Variants in ZNF407 observed in about 807,000 individuals in gnomAD.
ZNF407 encodes the protein zinc finger protein 407.
ZNF407 carries 17 observed loss-of-function variants against 131.2 expected under a neutral mutation model. That is an observed-to-expected ratio of 0.13 (90% CI 0.09 to 0.19). The LOEUF is 0.19. Ranked by LOEUF, ZNF407 falls within the 10% of genes least tolerant of loss-of-function variation. ZNF407 has a pLI of 1.00. For synonymous variants in ZNF407, 1,156 were observed against 1,062.0 expected (o/e 1.09, Z -1.72); for missense variants, 2,681 against 2,830.6 (o/e 0.95, Z 1.20).
intron 4 of ZNF407, among the ~76,000 whole-genome samples, chr18:74,840,207 G>T (rs1354864584): frequency 6.6e-6 from 1 of 152,074 alleles, no homozygotes; most frequent in Non-Finnish European, 1.5e-5. Flanking sequence ...AGTCTCTTTT[G>T]TTGGTTCATC....
chr18:74,679,784 T>C (rs514931), intron 3 of ZNF407, among the ~76,000 whole-genome samples: 120,109 of 152,144 alleles, frequency 0.79, 47,562 homozygotes, highest in East Asian at 0.9. Flanking sequence ...GATGATCTTG[T>C]GAATACTTGA....
Position 74,858,539 on chromosome 18 carries a change from G to T in ZNF407, c.4878-18658G>T, listed in dbSNP as rs373846995. Among the ~76,000 whole-genome samples the T allele has an allele frequency of 5.4e-4, 82 of 152,274 alleles. No homozygotes were observed. The South Asian group carries it at 7.0e-3, about 13-fold the overall frequency. On this transcript the variant is annotated intron_variant, in intron 4 of 8. Coordinates refer to ENST00000299687, the MANE Select transcript of ZNF407 (RefSeq NM_017757.3). ...CTGTAAGTTGATATAATCTTTGAGG[G>T]AACAGGTAGTACTTGTGTAAGCTGT... is the stretch of plus-strand genomic sequence containing the variant.
At chr18:74,735,372 T>G (rs1968388773) in intron 3 of ZNF407, among the ~76,000 whole-genome samples, 1 of 152,250 alleles carries the variant, frequency 6.6e-6, no homozygotes, top group Non-Finnish European at 1.5e-5. Context: ...AAAATGGATA[T>G]GTGCTCAAAA....
rs902607950 is a variant in ZNF407 at position 74,773,212 on chromosome 18, C to T, written c.4803-8216C>T. ...CACCCTTAGAGGATAAGATGAGGAACGAGAATCGACAATAGTATGAAAGAG... is the reference window on the plus strand; with the variant it reads ...CACCCTTAGAGGATAAGATGAGGAATGAGAATCGACAATAGTATGAAAGAG... On this transcript the variant is annotated intron_variant, in intron 3 of 8. Transcript: ENST00000299687. 3.9e-5 allele frequency among the ~76,000 whole-genome samples: 6 copies of T among 151,910 alleles called. No individual in the cohort carries two copies. The Middle Eastern group carries it at 0.014, about 344-fold the overall frequency.
intron 8 of ZNF407, among the ~76,000 whole-genome samples, chr18:74,949,634 C>T (rs759000064): frequency 1.6e-4 from 25 of 152,172 alleles, no homozygotes; most frequent in Admixed American, 3.3e-4. Flanking sequence ...GGGAGGGTTT[C>T]TGAATTCCCA....
At chr18:74,699,239 A>T (rs564640873) in intron 3 of ZNF407, among the ~76,000 whole-genome samples, 5 of 152,338 alleles carry the variant, frequency 3.3e-5, no homozygotes, top group African/African-American at 1.2e-4. Context: ...ACTTCAGTGC[A>T]AAGTGAGCAG....
intron 8 of ZNF407, 56 bp downstream of exon 8, chr18:74,920,748 C>A (rs767173536): frequency 3.9e-5 from 60 of 1,535,120 alleles, no homozygotes; most frequent in Non-Finnish European, 5.0e-5. Flanking sequence ...GTGATCACAG[C>A]AGTTATAATG....
intron 3 of ZNF407, among the ~76,000 whole-genome samples, chr18:74,721,844 G>A (rs1284158644): frequency 1.3e-5 from 2 of 152,028 alleles, no homozygotes; most frequent in Non-Finnish European, 2.9e-5. Context: ...CTTTATTTGG[G>A]TATGTCTTTA....
At chr18:74,615,959 G>C (rs901959566) in intron 1 of ZNF407, among the ~76,000 whole-genome samples, 8 of 152,050 alleles carry the variant, frequency 5.3e-5, no homozygotes, top group African/African-American at 1.9e-4. Context: ...CGCCTCCCGG[G>C]TTCAAGTGAT....
chr18:74,927,199 C>G (rs555834658), intron 8 of ZNF407, among the ~76,000 whole-genome samples: 3 of 151,954 alleles, frequency 2.0e-5, no homozygotes, highest in African/African-American at 7.3e-5. Flanking sequence ...TTTGAAAAAT[C>G]TGTCTTCAAG....
intron 3 of ZNF407, among the ~76,000 whole-genome samples, chr18:74,740,465 C>G (rs1568191869): frequency 6.6e-6 from 1 of 152,238 alleles, no homozygotes; most frequent in Admixed American, 6.5e-5. Context: ...CCATTCAGCA[C>G]AGTACATATG....
At chr18:74,605,882 C>G (rs78954512) in intron 1 of ZNF407, among the ~76,000 whole-genome samples, 1 of 152,218 alleles carries the variant, frequency 6.6e-6, no homozygotes, top group Non-Finnish European at 1.5e-5. Flanking sequence ...ACTAGTGTGA[C>G]AAGCAAGGAG....
intron 8 of ZNF407, among the ~76,000 whole-genome samples, chr18:75,027,312 C>A (rs1033828498): frequency 2.0e-5 from 3 of 152,174 alleles, no homozygotes; most frequent in Non-Finnish European, 4.4e-5. Flanking sequence ...GGGTTTTCAT[C>A]CCTGGGATTC....
chr18:74,610,657 C>T (rs1983016830), intron 1 of ZNF407, among the ~76,000 whole-genome samples: 1 of 152,154 alleles, frequency 6.6e-6, no homozygotes, highest in South Asian at 2.1e-4. Flanking sequence ...CCAAACAATT[C>T]TGCTGCCTCT....
rs753176840 is a variant in ZNF407 at position 74,635,299 on chromosome 18, G to A, written c.4280G>A (p.Ser1427Asn). The change falls in exon 2 of 9, where the codon AGT becomes AAT. Residue 1427 changes from serine (S) to asparagine (N), a missense_variant. This residue lies in a region of ZNF407 where 1,789 missense variants were observed against 1,748.7 expected (regional missense o/e 1.02). Coordinates refer to ENST00000299687, the MANE Select transcript of ZNF407 (RefSeq NM_017757.3). This position sits in a 1 kb window ranked among gnomAD's most constrained non-coding sequence, Gnocchi z 4.7. ...DDCGFLADGL[S>N]GLNVHIAMKH... The stretch of plus-strand genomic sequence containing the variant: ...TGTGGCTTCTTAGCAGATGGACTGA[G>A]TGGACTGAATGTTCACATAGCCATG... The A allele has an allele frequency of 2.5e-6, 4 of 1,613,914 alleles. No individual in the cohort carries two copies. Among genetic ancestry groups the A allele is most frequent in the Admixed American group, 1.7e-5 (1 of 60,008 alleles).
intron 3 of ZNF407, among the ~76,000 whole-genome samples, chr18:74,738,422 GAAAAAAA>G (rs10602546): frequency 1.2e-3 from 79 of 65,690 alleles, no homozygotes; most frequent in Non-Finnish European, 1.8e-3. Flanking sequence ...TCTGTCTCAA[GAAAAAAA>G]AAAAAAAAAA....
At chr18:74,671,968 G>A (rs543748555) in intron 3 of ZNF407, among the ~76,000 whole-genome samples, 1 of 152,278 alleles carries the variant, frequency 6.6e-6, no homozygotes, top group South Asian at 2.1e-4. Flanking sequence ...TCACCCATGG[G>A]CATCTAGGTT....
At chr18:74,883,447 A>T (rs780037973) in intron 6 of ZNF407, among the ~76,000 whole-genome samples, 16 of 152,202 alleles carry the variant, frequency 1.1e-4, no homozygotes, top group Non-Finnish European at 1.9e-4. Context: ...CACGCAAATT[A>T]TAATCAGCTT....
intron 4 of ZNF407, among the ~76,000 whole-genome samples, chr18:74,847,852 C>CAA (rs796557554): frequency 2.9e-3 from 358 of 123,130 alleles, no homozygotes; most frequent in Middle Eastern, 0.013. Context: ...AGGTAAAATA[C>CAA]AAAAAAAAAA....
Sources: allele counts gnomAD v4.1 joint callset (sites outside exome capture counted in the v4.1 genomes callset), GRCh38; gene constraint gnomAD v4.1.1; regional missense constraint gnomAD v4.1.1; non-coding constraint Gnocchi (gnomAD v3.1); transcripts MANE v1.5; gene names NCBI Gene and HGNC (gene_info 2026-07-23, HGNC 2026-07-21).